The following CLEC10A variants were observed in gnomAD, a reference collection of about 807,000 sequenced individuals.
The protein encoded by CLEC10A is C-type lectin domain family 10 member A.
A neutral mutation model predicts 42.0 loss-of-function variants in CLEC10A; 38 were observed. The ratio of observed to expected loss-of-function variants is 0.90; its 90% CI spans 0.70 to 1.18. The LOEUF (loss-of-function observed/expected upper bound fraction) is 1.18, where lower values mean the gene tolerates loss of function less well. CLEC10A is among the 50% of genes most tolerant of loss of function. The pLI, the probability that CLEC10A is intolerant of heterozygous loss-of-function variation, is 0.00. For synonymous variants in CLEC10A, 126 were observed against 139.9 expected (o/e 0.90, Z 0.70); for missense variants, 298 against 345.9 (o/e 0.86, Z 1.10).
chr17:7,078,090 G>A lies in CLEC10A; in HGVS notation c.91C>T (p.Leu31=), dbSNP rs746318178. 6.2e-7 allele frequency: 1 copy of A among 1,613,494 alleles called. No individual in the cohort carries two copies. Among genetic ancestry groups the A allele is most frequent in the East Asian group, 2.2e-5 (1 of 44,888 alleles). The stretch of plus-strand genomic sequence containing the variant: ...CAGGGCCCAGAGCAGAGACGCTGCA[G>A]GAGGGACTGGAGAGGAAGTGGCCCT... The part of the protein sequence containing the change: ...KNGPLPLQSL[L]QRLCSGPCHL... Residue 31 remains leucine, a synonymous_variant, in exon 3 of 9, where the codon CTG becomes TTG. Transcript: ENST00000416562.
Position 7,074,903 on chromosome 17 carries a change from T to A in CLEC10A, c.*151A>T. ...GCTTAAGAACACTATACCATCTTTT[T>A]AAAATTAAAGAGAAAAAAATTCAAA... On this transcript the variant is annotated 3_prime_UTR_variant, in exon 9 of 9. Transcript: ENST00000416562. The A allele has an allele frequency of 1.9e-6, 1 of 534,678 alleles. No individual in the cohort carries two copies. The highest frequency in any genetic ancestry group is 3.0e-6 in the Non-Finnish European group (1 of 332,636). 33.1% of individuals were successfully genotyped at this position (534,678 alleles called of 1,614,324 possible).
At chr17:7,079,774 T>A (rs1912067699) in intron 1 of CLEC10A, among the ~76,000 whole-genome samples, 1 of 151,744 alleles carries the variant, frequency 6.6e-6, no homozygotes, top group African/African-American at 2.4e-5. Context: ...AACGAGGCCG[T>A]CTCGGCTCAC....
rs16956478 is a variant in CLEC10A, at chr17:7,076,954, C to T, written c.218G>A (p.Arg73Lys). 0.028 allele frequency: 44,708 copies of T among 1,613,626 alleles called. 912 individuals carry two copies. The highest frequency in any genetic ancestry group is 0.11 in the African/African-American group (8,328 of 74,860). The change falls in exon 4 of 9, where the codon AGA (arginine) becomes AAA (lysine). Residue 73 changes from arginine to lysine, a missense_variant. Around this residue, in one of 3 missense-constraint regions of CLEC10A, gnomAD observed 267 missense variants for 289.5 expected, o/e 0.92. Coordinates refer to ENST00000416562, the MANE Select transcript of CLEC10A (RefSeq NM_001330070.2). The stretch of plus-strand genomic sequence containing the variant: ...TGAGGTGAAGTTGCTAAAATCTGTT[C>T]TCAGGGTCACCAGGTCCCTCTGAAA... ...SKFQRDLVTL[R>K]TDFSNFTSNT... is the part of the protein sequence containing the mutation.
In CLEC10A at chr17:7,075,864, C is replaced by A; in HGVS notation, c.461G>T (p.Cys154Phe). 3 of 1,613,072 alleles carry A rather than the reference C, an allele frequency of 1.9e-6. No homozygotes were observed. Residue 154 changes from cysteine to phenylalanine, a missense_variant, in exon 7 of 9, where the codon TGC becomes TTC. Transcript: ENST00000416562. ...TTGGTGCTCCACCCAGTTGACAGGG[C>A]AGCAGGTCCCTTCAGTGGAGGCTGA... ...NNNASTEGTC[C>F]PVNWVEHQDS...
chr17:7,076,130 G>C (rs770673965), intron 5 of CLEC10A, 59 bp from the exon 6 acceptor site: 2 of 1,614,014 alleles, frequency 1.2e-6, no homozygotes, highest in Admixed American at 3.3e-5. Flanking sequence ...TCTGCGTAGT[G>C]TGTTCCTGGA....
chr17:7,079,136 G>A (rs1215925765), intron 1 of CLEC10A, among the ~76,000 whole-genome samples: 3 of 152,206 alleles, frequency 2.0e-5, no homozygotes, highest in African/African-American at 7.2e-5. Flanking sequence ...TCTCATGCTA[G>A]GATTGGGGTC....
Position 7,075,162 on chromosome 17 carries a change from GTCCTCGCCTCC to G in CLEC10A, c.751_761del (p.Gly251LeufsTer12), listed in dbSNP as rs1259546233. On this transcript the variant is annotated frameshift_variant, in exon 9 of 9. Transcript: ENST00000416562. LOFTEE classifies it high-confidence loss of function. ...TGCCGTCTGGATGGAAGTGAGCACA[GTCCTCGCCTCC>G]ACCCAGCCCGTGCCCCTGCCAGTCG... 1.2e-6 allele frequency: 2 copies of G among 1,604,580 alleles called. No individual in the cohort carries two copies. The highest frequency in any genetic ancestry group is 1.7e-6 in the Non-Finnish European group (2 of 1,176,556).
intron 8 of CLEC10A, 52 bp downstream of exon 8, chr17:7,075,308 T>C: frequency 6.6e-7 from 1 of 1,507,014 alleles, no homozygotes; most frequent in Non-Finnish European, 8.9e-7. Context: ...GTCAGATCCC[T>C]GGGGGAAACG....
intron 2 of CLEC10A, chr17:7,078,377 G>C (rs774730378): frequency 1.8e-5 from 9 of 511,244 alleles, no homozygotes; most frequent in Non-Finnish European, 3.2e-5. Context: ...CTGGGGGCAG[G>C]GGCAGGAGGA....
chr17:7,076,067 A>G lies in CLEC10A; in HGVS notation c.357T>C (p.His119=). 1 of 1,614,166 alleles carries G rather than the reference A, an allele frequency of 6.2e-7. No homozygotes were observed. Reference sequence around the variant, plus strand: ...GCTGGACTCGCAGGAGCATTTCAGAATGAACTGGGACACACACAGATGGGC... The same window carrying G: ...GCTGGACTCGCAGGAGCATTTCAGAGTGAACTGGGACACACACAGATGGGC... The part of the protein sequence containing the change: ...EGFKQERQAV[H]SEMLLRVQQL... The change falls in exon 6 of 9, where the codon CAT becomes CAC. Residue 119 remains histidine, a synonymous_variant. Transcript: ENST00000416562.
rs747685144 is a variant in CLEC10A, at chr17:7,075,371, C to T, written c.690G>A (p.Ala230=). ...CAGGGTGCACTCACTGGAAGCCGGT[C>T]GCATAGTCTGTTCCATCCACCCACT... The part of the protein sequence containing the change: ...AWKWVDGTDY[A]TGFQNWKPGQ... The change falls in exon 8 of 9, where the codon GCG becomes GCA. Residue 230 remains alanine (A), a synonymous_variant. Coordinates refer to ENST00000416562, the MANE Select transcript of CLEC10A (RefSeq NM_001330070.2). 3.3e-6 allele frequency: 5 copies of T among 1,515,146 alleles called. No individual in the cohort carries two copies. Among genetic ancestry groups the T allele is most frequent in the Non-Finnish European group, 4.4e-6 (5 of 1,134,006 alleles). The allele number at this position is 1,515,146 out of a possible 1,614,324, so 93.9% of individuals were successfully genotyped here. A position where few individuals can be genotyped will look rare whatever the true frequency, so the allele number is the denominator to read the frequency against.
At chr17:7,078,974 A>T in intron 1 of CLEC10A, 89 bp from the exon 2 acceptor site, 1 of 691,958 alleles carries the variant, frequency 1.4e-6, no homozygotes, top group Middle Eastern at 3.4e-4. Context: ...GAATGAGCCC[A>T]GGGTTAAGAC....
intron 8 of CLEC10A, 56 bp downstream of exon 8, chr17:7,075,304 T>A (rs906818959): frequency 7.3e-6 from 11 of 1,506,228 alleles, no homozygotes; most frequent in Non-Finnish European, 9.7e-6. Flanking sequence ...GCCAGTCAGA[T>A]CCCTGGGGGA....
At position 7,078,024 on chromosome 17, in the gene CLEC10A, C is replaced by A. The variant is rs1357170227; in HGVS notation, c.157G>T (p.Val53Phe). ...LSLGLGLLLL[V>F]IICVVGFQNS... ...TGGAATCCAACCACACAGATGATGACCAGCAGCAGGAGGCCGAGGCCCAGG... is the reference window on the plus strand; with the variant it reads ...TGGAATCCAACCACACAGATGATGAACAGCAGCAGGAGGCCGAGGCCCAGG... The change falls in exon 3 of 9, where the codon GTC becomes TTC. Residue 53 changes from valine (V) to phenylalanine (F), a missense_variant. Coordinates refer to ENST00000416562, the MANE Select transcript of CLEC10A (RefSeq NM_001330070.2). 23 of 1,613,632 alleles carry A rather than the reference C, an allele frequency of 1.4e-5. No individual in the cohort carries two copies. Among genetic ancestry groups the A allele is most frequent in the Non-Finnish European group, 1.9e-5 (22 of 1,179,722 alleles).
intron 5 of CLEC10A, 99 bp from the exon 6 acceptor site, chr17:7,076,170 A>G (rs1911730179): frequency 2.5e-5 from 40 of 1,610,716 alleles, no homozygotes; most frequent in Non-Finnish European, 3.1e-5. Context: ...GGGCCAAGCC[A>G]GGGAATGTTC....
intron 2 of CLEC10A, 52 bp from the exon 3 acceptor site, chr17:7,078,165 G>C (rs140014662): frequency 5.8e-6 from 8 of 1,372,920 alleles, no homozygotes; most frequent in Non-Finnish European, 7.2e-6. Context: ...CCGGAGACGG[G>C]AGAAGGAGAG....
At position 7,075,228 on chromosome 17, in the gene CLEC10A, A is replaced by G; in HGVS notation, c.702-6T>C. 1 of 1,524,650 alleles carries G rather than the reference A, an allele frequency of 6.6e-7. No individual in the cohort carries two copies. Among genetic ancestry groups the G allele is most frequent in the African/African-American group, 1.4e-5 (1 of 71,540 alleles). 94.4% of individuals were successfully genotyped at this position (1,524,650 alleles called of 1,614,324 possible). A position where few individuals can be genotyped will look rare whatever the true frequency, so the allele number is the denominator to read the frequency against. ...GCTGGCCTGGCTTCCAGTTCCTGAG[A>G]GGAAAAGACAACAGCAAGCTAGGAA... On this transcript the variant is annotated splice_polypyrimidine_tract_variant and splice_region_variant and intron_variant, in intron 8 of 8. Coordinates refer to ENST00000416562, the MANE Select transcript of CLEC10A (RefSeq NM_001330070.2).
intron 2 of CLEC10A, chr17:7,078,432 C>T (rs1320604062): frequency 1.9e-6 from 1 of 512,936 alleles, no homozygotes; most frequent in African/African-American, 1.9e-5. Context: ...GGCTTATGCT[C>T]ACCTACCTGC....
Position 7,074,968 on chromosome 17 carries a change from T to C in CLEC10A, c.*86A>G, listed in dbSNP as rs1911631067. On this transcript the variant is annotated 3_prime_UTR_variant, in exon 9 of 9. Transcript: ENST00000416562. ...TCCAATCTCCCAGTGCTTATTTCTC[T>C]CCCAGAGCGGTCTTGCGAGGAGGTC... The C allele has an allele frequency of 8.8e-7, 1 of 1,133,842 alleles. No individual in the cohort carries two copies. The highest frequency in any genetic ancestry group is 1.2e-6 in the Non-Finnish European group (1 of 835,226). The allele number at this position is 1,133,842 out of a possible 1,614,324, so 70.2% of individuals were successfully genotyped here.
Sources: gnomAD v4.1 joint callset for allele counts (sites outside exome capture counted in the v4.1 genomes callset) on GRCh38, gnomAD v4.1.1 for gene constraint, gnomAD v4.1.1 regional missense constraint, MANE v1.5 for transcripts, NCBI Gene and HGNC (gene_info 2026-07-23, HGNC 2026-07-21) for gene names.